The following NPHP3 variants were observed in gnomAD, a reference collection of about 807,000 sequenced individuals.
The protein encoded by NPHP3 is nephrocystin-3.
Under a neutral mutation model 171.9 loss-of-function variants are expected in NPHP3, and 123 were observed. That is an observed-to-expected ratio of 0.72 (90% CI 0.62 to 0.83). NPHP3 has a LOEUF of 0.83. Among genes scored for constraint, NPHP3 ranks in the 40% least tolerant of loss-of-function variants. The pLI is 0.00. For synonymous variants in NPHP3, 558 were observed against 579.2 expected (o/e 0.96, Z 0.52); for missense variants, 1,506 against 1,591.9 (o/e 0.95, Z 0.92).
chr3:132,690,435 A>T, intron 19 of NPHP3, 93 bp downstream of exon 19: 1 of 1,220,038 alleles, frequency 8.2e-7, no homozygotes, highest in Non-Finnish European at 1.2e-6. Context: ...TACTTAGACT[A>T]ATTTTTAAAT....
chr3:132,708,506 A>G (rs1939817928), intron 6 of NPHP3, among the ~76,000 whole-genome samples: 1 of 152,260 alleles, frequency 6.6e-6, no homozygotes, highest in Non-Finnish European at 1.5e-5. Flanking sequence ...TAAATTGTAA[A>G]GCACATAAAA....
chr3:132,693,759 G>A (rs978033709), intron 16 of NPHP3: 8 of 152,152 alleles, frequency 5.3e-5, no homozygotes, highest in Admixed American at 3.9e-4. Context: ...TGTAGTCCCA[G>A]CTACTCGGGA....
intron 12 of NPHP3, 127 bp from the exon 13 acceptor site, chr3:132,699,577 G>A: frequency 2.7e-6 from 2 of 736,042 alleles, no homozygotes; most frequent in Admixed American, 2.7e-5. Context: ...TCTTATTTTG[G>A]GGTGATTTAT....
rs1276363942 is a variant in NPHP3 at position 132,694,823 on chromosome 3, C to G, written c.2310+4G>C. On this transcript the variant is annotated splice_donor_region_variant and intron_variant, in intron 16 of 26. Transcript: ENST00000337331. ...TTCCTTTTTATAAGTTTATTACATT[C>G]TACCTGCTTCATTAGCTCTTTATCC... 2 of 1,612,774 alleles carry G rather than the reference C, an allele frequency of 1.2e-6. No homozygotes were observed. The highest frequency in any genetic ancestry group is 2.2e-5 in the South Asian group (2 of 91,072).
chr3:132,683,369 C>T (rs1456940149), intron 25 of NPHP3, 30 bp downstream of exon 25: 1 of 1,600,042 alleles, frequency 6.2e-7, no homozygotes, highest in Non-Finnish European at 8.6e-7. Flanking sequence ...AAATCATTCA[C>T]TGATACAACG....
In NPHP3 at chr3:132,713,202, G is replaced by T; in HGVS notation, c.1042C>A (p.Gln348Lys). The T allele has an allele frequency of 6.4e-7, 1 of 1,572,816 alleles. No homozygotes were observed. Among genetic ancestry groups the T allele is most frequent in the South Asian group, 1.1e-5 (1 of 88,136 alleles). The change falls in exon 6 of 27, where the codon CAA becomes AAA. Residue 348 changes from glutamine (Q) to lysine (K), a missense_variant. By Grantham distance (53) the Gln-to-Lys change is moderately conservative. This residue lies in a region of NPHP3 where 930 missense variants were observed against 924.9 expected (regional missense o/e 1.01). Coordinates refer to ENST00000337331, the MANE Select transcript of NPHP3 (RefSeq NM_153240.5). ...TCCCATTTTCTTACAGTGAGGTATT[G>T]ATTTTCAACATCTATTGGAAAATAA... Reference protein sequence around the residue: ...AVYFPIDVENQYLTVRKWEIE... With the variant: ...AVYFPIDVENKYLTVRKWEIE...
intron 3 of NPHP3, 32 bp downstream of exon 3, chr3:132,718,962 A>G: frequency 6.2e-7 from 1 of 1,612,484 alleles, no homozygotes; most frequent in East Asian, 2.2e-5. Flanking sequence ...GCCATGTTGA[A>G]AGCTCAAAAT....
chr3:132,713,609 T>C (rs1939970671), intron 5 of NPHP3, among the ~76,000 whole-genome samples: 3 of 152,170 alleles, frequency 2.0e-5, no homozygotes. Context: ...CTATGAACAA[T>C]CTGTTTTATT....
chr3:132,717,965 A>T (rs1263654187), intron 3 of NPHP3: 1 of 371,776 alleles, frequency 2.7e-6, no homozygotes, highest in African/African-American at 2.2e-5. Context: ...CATGTTGGCC[A>T]GGATGGTCTT....
intron 5 of NPHP3, among the ~76,000 whole-genome samples, chr3:132,713,552 G>C (rs894671999): frequency 2.6e-5 from 4 of 152,104 alleles, no homozygotes; most frequent in African/African-American, 9.7e-5. Flanking sequence ...ACAGGAGACA[G>C]TATTAGGCTA....
intron 9 of NPHP3, among the ~76,000 whole-genome samples, 158 bp from the exon 10 acceptor site, chr3:132,701,691 T>C (rs922755376): frequency 3.9e-5 from 6 of 152,204 alleles, no homozygotes; most frequent in African/African-American, 1.2e-4. Flanking sequence ...CCTACTTTTA[T>C]GGCTGGCAAA....
intron 7 of NPHP3, among the ~76,000 whole-genome samples, chr3:132,706,596 T>TCTA (rs1235640069): frequency 6.6e-6 from 1 of 152,052 alleles, no homozygotes; most frequent in African/African-American, 2.4e-5. Flanking sequence ...TAAGAACATG[T>TCTA]CTACTACTAC....
chr3:132,697,565 CAACA>C (rs1353710738), intron 13 of NPHP3, among the ~76,000 whole-genome samples: 11 of 152,052 alleles, frequency 7.2e-5, no homozygotes, highest in African/African-American at 9.7e-5. Flanking sequence ...CAATGAATCA[CAACA>C]AACAGTGTTA....
chr3:132,696,224 T>C (rs781488416), intron 15 of NPHP3, among the ~76,000 whole-genome samples: 15 of 151,902 alleles, frequency 9.9e-5, no homozygotes, highest in Non-Finnish European at 7.4e-5. Context: ...ATAGATAGAA[T>C]AGGGTAAAGC....
At chr3:132,699,581 G>A (rs1336019073) in intron 12 of NPHP3, 131 bp from the exon 13 acceptor site, 14 of 724,622 alleles carry the variant, frequency 1.9e-5, no homozygotes, top group Middle Eastern at 3.8e-4. Context: ...ATTTTGGGGT[G>A]ATTTATTTTA....
At chr3:132,699,213 C>T in intron 13 of NPHP3, 140 bp downstream of exon 13, 11 of 638,308 alleles carry the variant, frequency 1.7e-5, no homozygotes, top group Admixed American at 1.1e-4. Context: ...ATTTTTTTTT[C>T]ATAAATTCAC....
Position 132,689,248 on chromosome 3 carries a change from C to T in NPHP3, c.2709G>A (p.Glu903=), listed in dbSNP as rs1228959643. 6.2e-7 allele frequency: 1 copy of T among 1,614,012 alleles called. No individual in the cohort carries two copies. Among genetic ancestry groups the T allele is most frequent in the East Asian group, 2.2e-5 (1 of 44,900 alleles). The change falls in exon 20 of 27, where the codon GAG becomes GAA. Residue 903 remains glutamate (E), a synonymous_variant. Coordinates refer to ENST00000337331, the MANE Select transcript of NPHP3 (RefSeq NM_153240.5). ...QNLYKRGHFA[E]LLSYWQFVGK... ...CAACAAACTGCCAATAACTCAGCAA[C>T]TCAGCAAAGTGTCCCCTGTTTCAAC...
chr3:132,706,979 G>C (rs560277009), intron 7 of NPHP3, among the ~76,000 whole-genome samples: 27 of 152,208 alleles, frequency 1.8e-4, no homozygotes, highest in Non-Finnish European at 3.7e-4. Flanking sequence ...AATACTAAAT[G>C]ATGGAAAGAA....
chr3:132,681,661 G>A lies in NPHP3; in HGVS notation c.*249C>T, dbSNP rs1939034079. 2 of 464,956 alleles carry A rather than the reference G, an allele frequency of 4.3e-6. No homozygotes were observed. Among genetic ancestry groups the A allele is most frequent in the African/African-American group, 2.0e-5 (1 of 50,642 alleles). 28.8% of individuals were successfully genotyped at this position (464,956 alleles called of 1,614,324 possible). On this transcript the variant is annotated 3_prime_UTR_variant, in exon 27 of 27. Coordinates refer to ENST00000337331, the MANE Select transcript of NPHP3 (RefSeq NM_153240.5). ...CCGCTCTTCATGATTTGCTCCTCATGTCTTCTTATAATTCTAATGTGTCTA... is the reference window on the plus strand; with the variant it reads ...CCGCTCTTCATGATTTGCTCCTCATATCTTCTTATAATTCTAATGTGTCTA...
Sources: allele counts gnomAD v4.1 joint callset (sites outside exome capture counted in the v4.1 genomes callset), GRCh38; gene constraint gnomAD v4.1.1; regional missense constraint gnomAD v4.1.1; transcripts MANE v1.5; gene names NCBI Gene and HGNC (gene_info 2026-07-23, HGNC 2026-07-21).